Variants in C9 observed in about 807,000 individuals in gnomAD.
C9 encodes complement component C9.
Under a neutral mutation model 65.4 loss-of-function variants are expected in C9, and 63 were observed. The observed-to-expected ratio is 0.96, with a 90% confidence interval of 0.79 to 1.19. The LOEUF (loss-of-function observed/expected upper bound fraction) is 1.19. Among genes scored for constraint, C9 ranks in the 50% most tolerant of loss-of-function variants. The pLI is 0.00. For synonymous variants in C9, 229 were observed against 227.9 expected (o/e 1.00, Z -0.04); for missense variants, 744 against 670.1 (o/e 1.11, Z -1.22).
Position 39,315,955 on chromosome 5 carries a change from C to T in C9, c.690G>A (p.Glu230=). The change falls in exon 6 of 11, where the codon GAG becomes GAA. Residue 230 remains glutamate, a synonymous_variant. Transcript: ENST00000263408. The part of the protein sequence containing the change: ...QIEAFKSIIQ[E]KTSNFNAAIS... ...TAGCTGCATTAAAATTTGATGTCTTCTCTTGGATGATACTTTTAAATGCTT... is the reference window on the plus strand; with the variant it reads ...TAGCTGCATTAAAATTTGATGTCTTTTCTTGGATGATACTTTTAAATGCTT... The T allele has an allele frequency of 6.2e-7, 1 of 1,610,054 alleles. No individual in the cohort carries two copies. Among genetic ancestry groups the T allele is most frequent in the East Asian group, 2.2e-5 (1 of 44,794 alleles).
At chr5:39,293,307 C>T (rs1579838995) in intron 9 of C9, among the ~76,000 whole-genome samples, 1 of 151,692 alleles carries the variant, frequency 6.6e-6, no homozygotes, top group East Asian at 1.9e-4. Flanking sequence ...CTATATGTTC[C>T]CTATAAGAAA....
At chr5:39,324,782 C>A (rs1579859178) in intron 5 of C9, among the ~76,000 whole-genome samples, 1 of 151,994 alleles carries the variant, frequency 6.6e-6, no homozygotes, top group African/African-American at 2.4e-5. Context: ...GGACGAGAGA[C>A]CAAGGGGCAA....
intron 6 of C9, among the ~76,000 whole-genome samples, chr5:39,313,170 G>A (rs1262557892): frequency 6.6e-6 from 1 of 151,980 alleles, no homozygotes; most frequent in African/African-American, 2.4e-5. Context: ...CCTTGGCCTC[G>A]CTTGCCTGAC....
chr5:39,335,447 C>T (rs1753946413), intron 4 of C9, among the ~76,000 whole-genome samples: 1 of 152,104 alleles, frequency 6.6e-6, no homozygotes, highest in Non-Finnish European at 1.5e-5. Context: ...GTGGATTCAA[C>T]CAATCATGGA....
intron 1 of C9, among the ~76,000 whole-genome samples, chr5:39,359,102 G>GTGTGTGTGTGTATATATATATATA (rs1407613505): frequency 9.6e-6 from 1 of 103,664 alleles, no homozygotes; most frequent in African/African-American, 3.8e-5. Flanking sequence ...GTGTGTGTGT[G>GTGTGTGTGTGTATATATATATATA]TATATATATA....
chr5:39,348,245 G>A (rs1260271053), intron 1 of C9, among the ~76,000 whole-genome samples: 2 of 152,192 alleles, frequency 1.3e-5, no homozygotes, highest in Admixed American at 6.5e-5. Flanking sequence ...CCTACAGAAT[G>A]GGAGAAAATT....
At position 39,285,106 on chromosome 5, in the gene C9, C is replaced by T. The variant is rs1752967560; in HGVS notation, c.*93G>A. 3.0e-6 allele frequency: 3 copies of T among 989,006 alleles called. No individual in the cohort carries two copies. The highest frequency in any genetic ancestry group is 4.9e-6 in the Non-Finnish European group (3 of 610,648). The allele number at this position is 989,006 out of a possible 1,614,324, so 61.3% of individuals were successfully genotyped here. On this transcript the variant is annotated 3_prime_UTR_variant, in exon 11 of 11. Transcript: ENST00000263408. ...GGTAGGATTTTCATGAAGCATGTTG[C>T]TATTTACTTGGCAGCTAAGATTATC...
intron 1 of C9, among the ~76,000 whole-genome samples, chr5:39,348,072 A>G (rs1474899862): frequency 6.6e-6 from 1 of 152,152 alleles, no homozygotes; most frequent in African/African-American, 2.4e-5. Flanking sequence ...AAACCTTAGA[A>G]GAAAACCCAG....
chr5:39,329,059 C>T (rs1180491279), intron 5 of C9, among the ~76,000 whole-genome samples: 1 of 152,136 alleles, frequency 6.6e-6, no homozygotes, highest in East Asian at 1.9e-4. Context: ...TTATAATGAA[C>T]ACCTGAAACC....
chr5:39,341,356 G>C, intron 3 of C9, 63 bp from the exon 4 acceptor site: 1 of 1,580,294 alleles, frequency 6.3e-7, no homozygotes, highest in South Asian at 1.1e-5. Flanking sequence ...TCTTTCTGAA[G>C]TTATCAAATG....
intron 8 of C9, among the ~76,000 whole-genome samples, 192 bp downstream of exon 8, chr5:39,308,038 A>G (rs1753411379): frequency 6.6e-6 from 1 of 152,220 alleles, no homozygotes; most frequent in Non-Finnish European, 1.5e-5. Flanking sequence ...TACAACTGGC[A>G]CAATAGTGAT....
At chr5:39,301,527 G>T (rs1753282653) in intron 9 of C9, among the ~76,000 whole-genome samples, 1 of 152,104 alleles carries the variant, frequency 6.6e-6, no homozygotes, top group African/African-American at 2.4e-5. Context: ...ATTAGGAGCT[G>T]GGAGATGAAG....
At chr5:39,343,826 C>T (rs905931263) in intron 1 of C9, among the ~76,000 whole-genome samples, 1 of 152,090 alleles carries the variant, frequency 6.6e-6, no homozygotes, top group Admixed American at 6.5e-5. Context: ...TGATATGAAG[C>T]TTCCAGAGGA....
At chr5:39,315,736 G>C in intron 6 of C9, 39 bp downstream of exon 6, 1 of 1,474,672 alleles carries the variant, frequency 6.8e-7, no homozygotes, top group South Asian at 1.2e-5. Context: ...GGGTAGTTTG[G>C]AACCTTTCTA....
chr5:39,314,081 C>T (rs907057564), intron 6 of C9, among the ~76,000 whole-genome samples: 1 of 152,094 alleles, frequency 6.6e-6, no homozygotes, highest in Non-Finnish European at 1.5e-5. Flanking sequence ...GCTCTTAGCA[C>T]CTATGATCTC....
intron 4 of C9, among the ~76,000 whole-genome samples, chr5:39,339,520 G>C (rs771822772): frequency 1.6e-4 from 25 of 151,982 alleles, no homozygotes; most frequent in Admixed American, 7.2e-4. Flanking sequence ...CGGCACTGAC[G>C]CTTTGGGTCA....
chr5:39,332,461 C>T (rs1471848439), intron 4 of C9, among the ~76,000 whole-genome samples: 2 of 152,174 alleles, frequency 1.3e-5, no homozygotes. Flanking sequence ...ATTTGGCAAG[C>T]TTTCATTCAT....
chr5:39,322,397 T>G (rs905188417), intron 5 of C9, among the ~76,000 whole-genome samples: 2 of 151,948 alleles, frequency 1.3e-5, no homozygotes, highest in Non-Finnish European at 2.9e-5. Flanking sequence ...ATTTCTCAAA[T>G]AATCTATTGT....
intron 9 of C9, among the ~76,000 whole-genome samples, chr5:39,297,256 T>A (rs995525042): frequency 2.1e-4 from 32 of 151,576 alleles, no homozygotes; most frequent in African/African-American, 7.5e-4. Context: ...AAAATATCAC[T>A]ATGTACCCCA....
Sources: allele counts gnomAD v4.1 joint callset (sites outside exome capture counted in the v4.1 genomes callset), GRCh38; gene constraint gnomAD v4.1.1; transcripts MANE v1.5; gene names NCBI Gene and HGNC (gene_info 2026-07-23, HGNC 2026-07-21).